INPP4B: variants seen among roughly 807,000 people sequenced by gnomAD.
INPP4B encodes inositol polyphosphate 4-phosphatase type II.
A neutral mutation model predicts 122.5 loss-of-function variants in INPP4B; 55 were observed. That is an observed-to-expected ratio of 0.45 (90% confidence interval 0.36 to 0.56). The LOEUF (loss-of-function observed/expected upper bound fraction) is 0.56, where lower values mean the gene tolerates loss of function less well. Ranked by LOEUF, INPP4B falls within the 20% of genes least tolerant of loss-of-function variation. The probability of loss-of-function intolerance (pLI) is 0.00; values close to 1 mark genes in which losing one functional copy is unlikely to be tolerated. For missense variants in INPP4B, 1,000 were observed against 1,097.7 expected (o/e 0.91, Z 1.26); for synonymous variants, 403 against 388.7 (o/e 1.04, Z -0.43).
chr4:142,594,951 T>G (rs1329834567), intron 2 of INPP4B, among the ~76,000 whole-genome samples: 1 of 110,780 alleles, frequency 9.0e-6, no homozygotes, highest in East Asian at 2.4e-4. Context: ...TGAGACTCTG[T>G]CTCAAAAAAA....
intron 12 of INPP4B, among the ~76,000 whole-genome samples, chr4:142,228,196 C>A (rs903153451): frequency 8.6e-5 from 13 of 151,638 alleles, no homozygotes; most frequent in Non-Finnish European, 1.8e-4. Context: ...GCAGTCCATG[C>A]AGGAAGTCTG....
chr4:142,077,051 T>C (rs907711593), intron 25 of INPP4B, among the ~76,000 whole-genome samples: 1 of 152,054 alleles, frequency 6.6e-6, no homozygotes, highest in Admixed American at 6.6e-5. Context: ...TAAAGCAGAA[T>C]ACTTCATAAA....
intron 5 of INPP4B, among the ~76,000 whole-genome samples, chr4:142,416,947 G>A (rs1057448275): frequency 2.0e-5 from 3 of 152,164 alleles, no homozygotes; most frequent in Non-Finnish European, 4.4e-5. Context: ...AAGTAAATCT[G>A]GGCTGGCTGG....
intron 2 of INPP4B, among the ~76,000 whole-genome samples, chr4:142,539,243 A>G (rs544028351): frequency 6.6e-6 from 1 of 151,850 alleles, no homozygotes; most frequent in East Asian, 1.9e-4. Flanking sequence ...TATCAACATG[A>G]CAATATAACA....
At chr4:142,803,924 C>T (rs971893306) in intron 1 of INPP4B, among the ~76,000 whole-genome samples, 4 of 151,848 alleles carry the variant, frequency 2.6e-5, no homozygotes, top group African/African-American at 7.2e-5. Context: ...CTGGGCATGG[C>T]GGCATGTGCC....
At chr4:142,760,861 C>CA (rs1771231369) in intron 1 of INPP4B, among the ~76,000 whole-genome samples, 1 of 152,122 alleles carries the variant, frequency 6.6e-6, no homozygotes, top group African/African-American at 2.4e-5. Context: ...AAATTGTACT[C>CA]ATTCTTTACA....
At chr4:142,572,089 T>C (rs1402712066) in intron 2 of INPP4B, among the ~76,000 whole-genome samples, 1 of 152,142 alleles carries the variant, frequency 6.6e-6, no homozygotes, top group Admixed American at 6.6e-5. Context: ...GTAGGTCTCA[T>C]TACTTTTATC....
chr4:142,481,407 C>T (rs1332557109), intron 2 of INPP4B, among the ~76,000 whole-genome samples: 1 of 152,066 alleles, frequency 6.6e-6, no homozygotes, highest in Non-Finnish European at 1.5e-5. Flanking sequence ...CCACTAAAAG[C>T]ACCTAACTCT....
chr4:142,126,979 C>T lies in INPP4B; in HGVS notation c.1721-2219G>A, dbSNP rs964963107. Among the ~76,000 whole-genome samples the T allele has an allele frequency of 6.6e-5, 10 of 152,044 alleles. No individual in the cohort carries two copies. The East Asian group carries it at 1.2e-3, about 18-fold the overall frequency. On this transcript the variant is annotated intron_variant, in intron 18 of 25. Coordinates refer to ENST00000262992, the MANE Select transcript of INPP4B (RefSeq NM_001101669.3). ...AATTAACCCAGATGTAAATTTTAAACGATAACAGACTGAAAACTGCTTTTG... is the reference window on the plus strand; with the variant it reads ...AATTAACCCAGATGTAAATTTTAAATGATAACAGACTGAAAACTGCTTTTG...
At chr4:142,677,230 A>C (rs2150665454) in intron 2 of INPP4B, among the ~76,000 whole-genome samples, 1 of 152,302 alleles carries the variant, frequency 6.6e-6, no homozygotes, top group Admixed American at 6.5e-5. Context: ...CAGCTAACAA[A>C]CATATGTAAA....
chr4:142,624,952 C>T (rs1302718181), intron 2 of INPP4B, among the ~76,000 whole-genome samples: 1 of 151,760 alleles, frequency 6.6e-6, no homozygotes, highest in Non-Finnish European at 1.5e-5. Flanking sequence ...TAAAAACTCT[C>T]AATAAATTAG....
intron 2 of INPP4B, among the ~76,000 whole-genome samples, chr4:142,677,671 G>A (rs1758010980): frequency 6.6e-6 from 1 of 152,046 alleles, no homozygotes; most frequent in Non-Finnish European, 1.5e-5. Flanking sequence ...CATAAAAAAG[G>A]ATGAGTTCAT....
intron 7 of INPP4B, among the ~76,000 whole-genome samples, chr4:142,329,878 C>CT (rs1031283240): frequency 9.9e-5 from 15 of 151,860 alleles, no homozygotes; most frequent in South Asian, 2.1e-4. Flanking sequence ...ACTATTTACA[C>CT]TTTTTTTTAC....
At chr4:142,647,655 T>G (rs942951747) in intron 2 of INPP4B, among the ~76,000 whole-genome samples, 2 of 152,192 alleles carry the variant, frequency 1.3e-5, no homozygotes, top group African/African-American at 4.8e-5. Context: ...GGGAGCACAG[T>G]GCAGCTAAAA....
intron 2 of INPP4B, among the ~76,000 whole-genome samples, chr4:142,723,091 T>C (rs1764897176): frequency 6.6e-6 from 1 of 152,132 alleles, no homozygotes; most frequent in Admixed American, 6.5e-5. Context: ...TTTCTTACTG[T>C]CCTTGAACAT....
chr4:142,782,467 G>A (rs1775013310), intron 1 of INPP4B, among the ~76,000 whole-genome samples: 2 of 151,884 alleles, frequency 1.3e-5, no homozygotes, highest in African/African-American at 4.8e-5. Flanking sequence ...CTTTATAGCA[G>A]CATGATTTGT....
intron 9 of INPP4B, among the ~76,000 whole-genome samples, chr4:142,295,726 T>G (rs1758392717): frequency 6.6e-6 from 1 of 151,824 alleles, no homozygotes; most frequent in African/African-American, 2.4e-5. Flanking sequence ...AGGAAAGAAA[T>G]TCACTTTCCC....
chr4:142,433,282 A>AT (rs558044980), intron 3 of INPP4B, among the ~76,000 whole-genome samples: 2 of 151,988 alleles, frequency 1.3e-5, no homozygotes, highest in East Asian at 3.9e-4. Context: ...TACTTGCAAA[A>AT]TTTTTTCACA....
chr4:142,230,530 G>A (rs903099135), intron 12 of INPP4B, among the ~76,000 whole-genome samples: 10 of 150,946 alleles, frequency 6.6e-5, no homozygotes, highest in African/African-American at 2.2e-4. Flanking sequence ...CTGTAATTCC[G>A]GCTACTTGGA....
Sources: allele counts gnomAD v4.1 joint callset (sites outside exome capture counted in the v4.1 genomes callset), GRCh38; gene constraint gnomAD v4.1.1; transcripts MANE v1.5; gene names NCBI Gene and HGNC (gene_info 2026-07-23, HGNC 2026-07-21).